Variants in NBAS observed in about 807,000 individuals in gnomAD.
NBAS encodes the protein NAG/BC035112 fusion.
NBAS carries 219 observed loss-of-function variants against 302.5 expected under a neutral mutation model. That is an observed-to-expected ratio of 0.72 (90% CI 0.65 to 0.81). NBAS has a LOEUF of 0.81. Ranked by LOEUF, NBAS falls within the 30% of genes least tolerant of loss-of-function variation. NBAS has a pLI of 0.00. For synonymous variants in NBAS, 1,118 were observed against 1,021.6 expected, an observed-to-expected ratio of 1.09 and a Z score of -1.80; for missense variants, 2,932 against 2,841.6, an observed-to-expected ratio of 1.03 and a Z score of -0.72.
intron 2 of NBAS, among the ~76,000 whole-genome samples, chr2:15,558,317 T>C (rs920364611): frequency 2.6e-5 from 4 of 152,178 alleles, no homozygotes; most frequent in Admixed American, 2.0e-4. Flanking sequence ...GGCCCAGGAA[T>C]TGAGGACACC....
the NBAS span, among the ~76,000 whole-genome samples, chr2:14,865,053 G>A: frequency 6.6e-5 from 10 of 152,108 alleles, no homozygotes; most frequent in South Asian, 2.1e-4. Flanking sequence ...ATGAATTTCC[G>A]CCAACAAGGG....
chr2:14,889,557 A>T, the NBAS span, among the ~76,000 whole-genome samples: 1 of 152,180 alleles, frequency 6.6e-6, no homozygotes, highest in African/African-American at 2.4e-5. Context: ...TCTAAAATCC[A>T]AAAAAGAGAT....
the NBAS span, among the ~76,000 whole-genome samples, chr2:15,131,112 G>A: frequency 7.2e-5 from 11 of 152,116 alleles, no homozygotes; most frequent in Non-Finnish European, 1.3e-4. Context: ...CTTGAATTCC[G>A]ACTCTAATTA....
chr2:15,509,936 G>T (rs1005413768), intron 10 of NBAS, among the ~76,000 whole-genome samples: 1 of 152,004 alleles, frequency 6.6e-6, no homozygotes, highest in Non-Finnish European at 1.5e-5. Flanking sequence ...TGCAACCTCC[G>T]CCTCCCAGGT....
the NBAS span, among the ~76,000 whole-genome samples, chr2:14,795,838 C>T: frequency 6.6e-6 from 1 of 152,164 alleles, no homozygotes; most frequent in African/African-American, 2.4e-5. Flanking sequence ...AAAATATCTG[C>T]AGATATTGCA....
the NBAS span, among the ~76,000 whole-genome samples, chr2:14,905,453 A>G: frequency 6.6e-6 from 1 of 152,152 alleles, no homozygotes; most frequent in East Asian, 1.9e-4. Context: ...TCCTGTGCCC[A>G]GCTGTCCCGC....
In NBAS at chr2:15,238,620, T is replaced by G; in HGVS notation, c.5791A>C (p.Lys1931Gln). 6.2e-7 allele frequency: 1 copy of G among 1,613,504 alleles called. No homozygotes were observed. Among genetic ancestry groups the G allele is most frequent in the Non-Finnish European group, 8.5e-7 (1 of 1,179,904 alleles). Reference sequence around the variant, plus strand: ...TCTTCTGAGTTTCTTTTCCTTGGCTTCTCAATAAAATGTTTGACTGTCTTA... The same window carrying G: ...TCTTCTGAGTTTCTTTTCCTTGGCTGCTCAATAAAATGTTTGACTGTCTTA... ...AIKTVKHFIE[K>Q]PRKRNSEDEA... Residue 1931 changes from lysine (K) to glutamine (Q), a missense_variant, in exon 45 of 52, where the codon AAG (lysine) becomes CAG (glutamine). Coordinates refer to ENST00000281513, the MANE Select transcript of NBAS (RefSeq NM_015909.4).
chr2:15,079,395 T>A, the NBAS span, among the ~76,000 whole-genome samples: 1 of 152,064 alleles, frequency 6.6e-6, no homozygotes, highest in Non-Finnish European at 1.5e-5. Flanking sequence ...AGATCATAAG[T>A]AAGAATGTCA....
chr2:14,858,199 T>A, the NBAS span, among the ~76,000 whole-genome samples: 1 of 152,140 alleles, frequency 6.6e-6, no homozygotes, highest in African/African-American at 2.4e-5. Flanking sequence ...GGAACCCTTG[T>A]ACACTGTTGG....
At chr2:15,025,487 T>A in the NBAS span, among the ~76,000 whole-genome samples, 2 of 152,210 alleles carry the variant, frequency 1.3e-5, no homozygotes, top group Non-Finnish European at 2.9e-5. Flanking sequence ...TAGTTTTTTC[T>A]AGTTCTGTGA....
At chr2:14,813,943 G>A in the NBAS span, among the ~76,000 whole-genome samples, 39 of 152,354 alleles carry the variant, frequency 2.6e-4, no homozygotes, top group Non-Finnish European at 4.3e-4. Flanking sequence ...GCCTTGAGAC[G>A]TGGTGCCCTG....
chr2:15,497,842 T>C (rs142326439), intron 11 of NBAS, among the ~76,000 whole-genome samples: 13 of 152,236 alleles, frequency 8.5e-5, no homozygotes, highest in Non-Finnish European at 1.6e-4. Context: ...CACCTATGAG[T>C]AGGTATTGAA....
At chr2:14,885,577 T>C in the NBAS span, among the ~76,000 whole-genome samples, 3 of 152,076 alleles carry the variant, frequency 2.0e-5, no homozygotes, top group Non-Finnish European at 2.9e-5. Context: ...ACATTTGAGA[T>C]TGATCCACAT....
At chr2:15,435,751 C>T (rs1332113083) in intron 21 of NBAS, among the ~76,000 whole-genome samples, 1 of 152,202 alleles carries the variant, frequency 6.6e-6, no homozygotes, top group Non-Finnish European at 1.5e-5. Context: ...TAAATCCTCA[C>T]TACTTATCTG....
At chr2:14,910,087 T>C in the NBAS span, among the ~76,000 whole-genome samples, 1 of 152,192 alleles carries the variant, frequency 6.6e-6, no homozygotes, top group Admixed American at 6.5e-5. Context: ...GAGTTCTAGG[T>C]TCATTTGCGT....
chr2:15,506,530 T>A (rs1183479431), intron 10 of NBAS, among the ~76,000 whole-genome samples: 1 of 152,148 alleles, frequency 6.6e-6, no homozygotes, highest in Non-Finnish European at 1.5e-5. Flanking sequence ...GGATTTTACA[T>A]CCAGACAAGT....
At chr2:15,009,757 A>C in the NBAS span, among the ~76,000 whole-genome samples, 1 of 150,220 alleles carries the variant, frequency 6.7e-6, no homozygotes, top group Non-Finnish European at 1.5e-5. Flanking sequence ...ATGTGTGTAC[A>C]CAGAGAAAGA....
intron 44 of NBAS, among the ~76,000 whole-genome samples, chr2:15,256,372 T>C (rs1045718442): frequency 1.3e-5 from 2 of 152,146 alleles, no homozygotes; most frequent in African/African-American, 4.8e-5. Flanking sequence ...GTCATTGTTG[T>C]TGCATAGCAG....
At chr2:15,432,858 T>C (rs905428612) in intron 21 of NBAS, among the ~76,000 whole-genome samples, 1 of 152,184 alleles carries the variant, frequency 6.6e-6, no homozygotes, top group African/African-American at 2.4e-5. Context: ...AAAAAAAAGC[T>C]GTCCGAAGGC....
Sources: gnomAD v4.1 joint callset for allele counts (sites outside exome capture counted in the v4.1 genomes callset) on GRCh38, gnomAD v4.1.1 for gene constraint, MANE v1.5 for transcripts, NCBI Gene and HGNC (gene_info 2026-07-23, HGNC 2026-07-21) for gene names.